SC5D: variants seen among roughly 807,000 people sequenced by gnomAD.
SC5D encodes lathosterol oxidase.
Under a neutral mutation model 23.9 loss-of-function variants are expected in SC5D, and 21 were observed. That is an observed-to-expected ratio of 0.88 (90% CI 0.62 to 1.26). The LOEUF (loss-of-function observed/expected upper bound fraction) is 1.26. SC5D is among the 50% of genes most tolerant of loss of function. SC5D has a pLI of 0.00. For missense variants in SC5D, 309 were observed against 364.8 expected (o/e 0.85, Z 1.25); for synonymous variants, 113 against 125.9 (o/e 0.90, Z 0.68).
intron 3 of SC5D, chr11:121,304,804 A>T: frequency 3.4e-6 from 1 of 298,070 alleles, no homozygotes; most frequent in South Asian, 3.5e-5. Context: ...TGAGTAGCTT[A>T]TGTCATTGCT....
rs1306928570 is a variant in SC5D at position 121,311,678 on chromosome 11, G to A, written c.*4166G>A. Among the ~76,000 whole-genome samples, 4 of 152,072 alleles carry A rather than the reference G, an allele frequency of 2.6e-5. No individual in the cohort carries two copies. Among genetic ancestry groups the A allele is most frequent in the Non-Finnish European group, 4.4e-5 (3 of 67,992 alleles). On this transcript the variant is annotated 3_prime_UTR_variant, in exon 5 of 5. Transcript: ENST00000264027. ...GAACAGGAACTTTGGAGATAAACAG[G>A]GCTCTGCCACTTGCAAGTTGCACCA...
chr11:121,302,969 T>C (rs1033796312), intron 1 of SC5D, among the ~76,000 whole-genome samples: 2 of 152,192 alleles, frequency 1.3e-5, no homozygotes, highest in African/African-American at 4.8e-5. Flanking sequence ...GAGCTGAAAC[T>C]TGTAGCTGAA....
intron 3 of SC5D, 192 bp from the exon 4 acceptor site, chr11:121,306,194 G>T: frequency 1.7e-6 from 1 of 579,496 alleles, no homozygotes; most frequent in Non-Finnish European, 3.1e-6. Flanking sequence ...ACTTATGCGA[G>T]GGAAATGAGG....
rs886047882 is a variant in SC5D at position 121,313,152 on chromosome 11, T to C, written c.*5640T>C. Among the ~76,000 whole-genome samples, 1 of 152,216 alleles carries C rather than the reference T, an allele frequency of 6.6e-6. No individual in the cohort carries two copies. The highest frequency in any genetic ancestry group is 1.5e-5 in the Non-Finnish European group (1 of 68,016). On this transcript the variant is annotated 3_prime_UTR_variant, in exon 5 of 5. Transcript: ENST00000264027. ...TCACCACTGATCCACCTTCTGTTACTGGAAGGTTAGTTTTCTTCCCTGATT... is the reference window on the plus strand; with the variant it reads ...TCACCACTGATCCACCTTCTGTTACCGGAAGGTTAGTTTTCTTCCCTGATT...
rs560563943 is a variant in SC5D, at chr11:121,312,682, A to G, written c.*5170A>G. Among the ~76,000 whole-genome samples, 3 of 152,256 alleles carry G rather than the reference A, an allele frequency of 2.0e-5. No homozygotes were observed. The East Asian group carries it at 5.8e-4, about 29-fold the overall frequency. On this transcript the variant is annotated 3_prime_UTR_variant, in exon 5 of 5. Transcript: ENST00000264027. ...GTTATATCTTCCTCTTTTAGGCTGC[A>G]ATGAGCTATAATTGCACTACTGCAC...
chr11:121,305,332 G>C (rs1163861397), intron 3 of SC5D: 1 of 151,610 alleles, frequency 6.6e-6, no homozygotes, highest in African/African-American at 2.4e-5. Flanking sequence ...TCCTTTTATA[G>C]GTGAGTCAAT....
intron 1 of SC5D, among the ~76,000 whole-genome samples, chr11:121,296,990 T>C (rs1647637994): frequency 6.6e-6 from 1 of 152,172 alleles, no homozygotes; most frequent in Admixed American, 6.5e-5. Context: ...ATTCTAAATA[T>C]ATGGAATGAT....
chr11:121,304,286 G>A (rs1438030756), intron 2 of SC5D, 75 bp from the exon 3 acceptor site: 4 of 1,401,442 alleles, frequency 2.9e-6, no homozygotes, highest in East Asian at 2.3e-5. Flanking sequence ...TAAAAATCCA[G>A]TCCAGAACAG....
chr11:121,312,153 A>G lies in SC5D; in HGVS notation c.*4641A>G, dbSNP rs536728674. 6.6e-6 allele frequency among the ~76,000 whole-genome samples: 1 copy of G among 152,336 alleles called. No individual in the cohort carries two copies. Among genetic ancestry groups the G allele is most frequent in the Admixed American group, 6.5e-5 (1 of 15,304 alleles). ...CAAGGTTTGTAGATAAAATAGAAAC[A>G]TACCTTCCTTGAAAAGCAGAATAAA... On this transcript the variant is annotated 3_prime_UTR_variant, in exon 5 of 5. Transcript: ENST00000264027.
Position 121,303,587 on chromosome 11 carries a change from TAAG to T in SC5D, c.210+5_210+7del. 1 of 1,596,518 alleles carries T rather than the reference TAAG, an allele frequency of 6.3e-7. No individual in the cohort carries two copies. Among genetic ancestry groups the T allele is most frequent in the Non-Finnish European group, 8.6e-7 (1 of 1,164,400 alleles). ...ATGAAACATCCACAATTTTTAAAGGTAAGAAATGTTTTTACCTATTTTCTAACG... is the reference window on the plus strand; with the variant it reads ...ATGAAACATCCACAATTTTTAAAGGTAAATGTTTTTACCTATTTTCTAACG... On this transcript the variant is annotated splice_donor_5th_base_variant and intron_variant, in intron 2 of 4. Transcript: ENST00000264027.
intron 1 of SC5D, among the ~76,000 whole-genome samples, chr11:121,297,439 A>G (rs1947897039): frequency 6.6e-6 from 1 of 152,218 alleles, no homozygotes; most frequent in African/African-American, 2.4e-5. Flanking sequence ...CTGTAAAACC[A>G]AAAAGTTGTT....
intron 1 of SC5D, among the ~76,000 whole-genome samples, chr11:121,295,613 T>C (rs1947883553): frequency 6.6e-6 from 1 of 152,198 alleles, no homozygotes; most frequent in Non-Finnish European, 1.5e-5. Context: ...TGTAGCTGTC[T>C]TATTTAGGAA....
At chr11:121,305,459 T>C (rs1186988967) in intron 3 of SC5D, 2 of 152,080 alleles carry the variant, frequency 1.3e-5, no homozygotes, top group Non-Finnish European at 2.9e-5. Context: ...CCGGGCGCGG[T>C]GGCTCAATCC....
At chr11:121,302,556 C>G (rs1167121428) in intron 1 of SC5D, among the ~76,000 whole-genome samples, 1 of 152,070 alleles carries the variant, frequency 6.6e-6, no homozygotes, top group Non-Finnish European at 1.5e-5. Flanking sequence ...TGTAAATGGC[C>G]AGGTAGTAAA....
chr11:121,302,475 C>T (rs761163309), intron 1 of SC5D, among the ~76,000 whole-genome samples: 443 of 152,282 alleles, frequency 2.9e-3, no homozygotes, highest in Non-Finnish European at 3.8e-3. Context: ...ATAGAATGGA[C>T]TTAAATATGT....
chr11:121,299,253 T>G (rs1033441916), intron 1 of SC5D, among the ~76,000 whole-genome samples: 1 of 152,246 alleles, frequency 6.6e-6, no homozygotes, highest in Non-Finnish European at 1.5e-5. Flanking sequence ...GCTTTATCAC[T>G]TGAGAATCCT....
In SC5D at chr11:121,312,308, TA is replaced by T. The variant is rs759224059; in HGVS notation, c.*4800del. ...AATATTTGCTTTATTAAAATACATT[TA>T]AAATACAGCATTTTTAAATCTCTAA... On this transcript the variant is annotated 3_prime_UTR_variant, in exon 5 of 5. Coordinates refer to ENST00000264027, the MANE Select transcript of SC5D (RefSeq NM_006918.5). 3.9e-5 allele frequency among the ~76,000 whole-genome samples: 6 copies of T among 152,216 alleles called. No individual in the cohort carries two copies. Among genetic ancestry groups the T allele is most frequent in the Non-Finnish European group, 5.9e-5 (4 of 68,000 alleles).
At position 121,312,962 on chromosome 11, in the gene SC5D, AATT is replaced by A. The variant is rs1282888599; in HGVS notation, c.*5453_*5455del. Among the ~76,000 whole-genome samples the A allele has an allele frequency of 6.6e-6, 1 of 152,160 alleles. No individual in the cohort carries two copies. The highest frequency in any genetic ancestry group is 2.4e-5 in the African/African-American group (1 of 41,458). ...TTTTTCTTTCTGATCAACTTAATGA[AATT>A]ATAATTTACTATAATTAAGTGTAGC... On this transcript the variant is annotated 3_prime_UTR_variant, in exon 5 of 5. Transcript: ENST00000264027.
intron 1 of SC5D, chr11:121,293,150 C>G (rs1947863741): frequency 6.6e-6 from 1 of 152,326 alleles, no homozygotes; most frequent in South Asian, 2.1e-4. Flanking sequence ...GGCTGCGCCA[C>G]CTGGGAGTCC....
Sources: gnomAD v4.1 joint callset for allele counts (sites outside exome capture counted in the v4.1 genomes callset) on GRCh38, gnomAD v4.1.1 for gene constraint, MANE v1.5 for transcripts, NCBI Gene and HGNC (gene_info 2026-07-23, HGNC 2026-07-21) for gene names.